The following C5orf24 variants were observed in gnomAD, a reference collection of about 807,000 sequenced individuals.
C5orf24 encodes UPF0461 protein C5orf24.
C5orf24 carries 4 observed loss-of-function variants against 9.8 expected under a neutral mutation model. That is an observed-to-expected ratio of 0.41 (90% CI 0.20 to 0.93). The LOEUF is 0.93. C5orf24 is among the 40% of genes least tolerant of loss of function. C5orf24 has a pLI of 0.33. For missense variants in C5orf24, 170 were observed against 236.9 expected (o/e 0.72, Z 1.85); for synonymous variants, 73 against 81.3 (o/e 0.90, Z 0.55).
chr5:134,855,698 A>G lies in C5orf24; in HGVS notation c.*231A>G. ...AGGTTCAAGTGTAACACCTAACTAA[A>G]TCATTTTTCCTTTTCCTTTAGAGTT... On this transcript the variant is annotated 3_prime_UTR_variant, in exon 2 of 2. Coordinates refer to ENST00000394976, the MANE Select transcript of C5orf24 (RefSeq NM_001135586.1). The G allele has an allele frequency of 2.1e-6, 3 of 1,402,142 alleles. No individual in the cohort carries two copies. The highest frequency in any genetic ancestry group is 2.8e-6 in the Non-Finnish European group (3 of 1,078,242). 86.9% of individuals were successfully genotyped at this position (1,402,142 alleles called of 1,614,324 possible). A position where few individuals can be genotyped will look rare whatever the true frequency, so the allele number is the denominator to read the frequency against.
rs1184113005 is a variant in C5orf24, at chr5:134,856,340, A to C, written c.*873A>C. ...TTTTGCCTTTCATATAGAAAGTTTT[A>C]AAGTATTATGTTTAAAAACATTTAT... On this transcript the variant is annotated 3_prime_UTR_variant, in exon 2 of 2. Coordinates refer to ENST00000394976, the MANE Select transcript of C5orf24 (RefSeq NM_001135586.1). 1.0e-6 allele frequency: 1 copy of C among 988,360 alleles called. No individual in the cohort carries two copies. The highest frequency in any genetic ancestry group is 1.8e-5 in the African/African-American group (1 of 57,082). The allele number at this position is 988,360 out of a possible 1,614,324, so 61.2% of individuals were successfully genotyped here.
At chr5:134,850,279 G>A (rs774876137) in intron 1 of C5orf24, among the ~76,000 whole-genome samples, 1 of 151,936 alleles carries the variant, frequency 6.6e-6, no homozygotes, top group Non-Finnish European at 1.5e-5. Context: ...GTCCTGAGTA[G>A]CTGGGATTAC....
chr5:134,837,096 C>G, the C5orf24 span, among the ~76,000 whole-genome samples: 1 of 152,062 alleles, frequency 6.6e-6, no homozygotes, highest in South Asian at 2.1e-4. Flanking sequence ...GTCTCAGCCT[C>G]CCAAGTAGCT....
Position 134,846,006 on chromosome 5 carries a change from C to A in C5orf24, c.-210C>A, listed in dbSNP as rs1006524631. ...GGTAGCGGCCTCTTCGTACTGCGTC[C>A]GGGGCAGGACCGTGCGCGGCGGCCG... On this transcript the variant is annotated 5_prime_UTR_variant, in exon 1 of 2. Coordinates refer to ENST00000394976, the MANE Select transcript of C5orf24 (RefSeq NM_001135586.1). The A allele has an allele frequency of 1.3e-5, 2 of 152,226 alleles. No homozygotes were observed. Among genetic ancestry groups the A allele is most frequent in the African/African-American group, 2.4e-5 (1 of 41,462 alleles). The allele number at this position is 152,226 out of a possible 1,614,324, so 9.4% of individuals were successfully genotyped here.
chr5:134,856,411 C>T lies in C5orf24; in HGVS notation c.*944C>T, dbSNP rs904690268. 8.8e-6 allele frequency: 6 copies of T among 682,576 alleles called. No homozygotes were observed. In the African/African-American group the frequency reaches 1.2e-4, roughly 13 times the overall value. 42.3% of individuals were successfully genotyped at this position (682,576 alleles called of 1,614,324 possible). A position where few individuals can be genotyped will look rare whatever the true frequency, so the allele number is the denominator to read the frequency against. On this transcript the variant is annotated 3_prime_UTR_variant, in exon 2 of 2. Transcript: ENST00000394976. ...CACCCAGCACTTTGGGAGGCCGAGG[C>T]AGGCGGATCACTTGAGGTCAGCAGT...
At chr5:134,847,562 G>A (rs1316570383) in intron 1 of C5orf24, among the ~76,000 whole-genome samples, 1 of 152,162 alleles carries the variant, frequency 6.6e-6, no homozygotes, top group African/African-American at 2.4e-5. Flanking sequence ...CCAAAGTGCT[G>A]GGATTACAGG....
chr5:134,848,621 A>G (rs1371566107), intron 1 of C5orf24, among the ~76,000 whole-genome samples: 2 of 128,446 alleles, frequency 1.6e-5, no homozygotes, highest in East Asian at 2.3e-4. Context: ...AGATCGCGCC[A>G]TTGCACTCCA....
At chr5:134,842,310 T>G (rs1409461483), upstream of C5orf24, among the ~76,000 whole-genome samples, 2 of 151,856 alleles carry the variant, frequency 1.3e-5, no homozygotes, top group African/African-American at 4.8e-5. Flanking sequence ...GCCAACATGG[T>G]GAAACCCTGT....
the C5orf24 span, among the ~76,000 whole-genome samples, chr5:134,834,418 C>T: frequency 6.6e-6 from 1 of 152,110 alleles, no homozygotes; most frequent in Non-Finnish European, 1.5e-5. Flanking sequence ...TTCTCTGTGC[C>T]TTTGCCTAAG....
rs1462303333 is a variant in C5orf24 at position 134,857,453 on chromosome 5, G to C, written c.*1986G>C. 9 of 1,518,510 alleles carry C rather than the reference G, an allele frequency of 5.9e-6. No homozygotes were observed. Among genetic ancestry groups the C allele is most frequent in the Non-Finnish European group, 1.8e-6 (2 of 1,128,108 alleles). The allele number at this position is 1,518,510 out of a possible 1,614,324, so 94.1% of individuals were successfully genotyped here. On this transcript the variant is annotated 3_prime_UTR_variant, in exon 2 of 2. Transcript: ENST00000394976. The stretch of plus-strand genomic sequence containing the variant: ...TACAGTAAGAGGTGTTGCATTGTAT[G>C]TGGGGACTATGTGCACTGGCGTCTA...
At chr5:134,845,016 G>A (rs1351411820), upstream of C5orf24, among the ~76,000 whole-genome samples, 3 of 152,342 alleles carry the variant, frequency 2.0e-5, no homozygotes, top group East Asian at 5.8e-4. Context: ...GATTACAGGC[G>A]TGAGCCACCG....
upstream of C5orf24, chr5:134,845,692 C>T (rs974648222): frequency 6.6e-6 from 1 of 152,254 alleles, no homozygotes; most frequent in African/African-American, 2.4e-5. Flanking sequence ...GAAATGGGGT[C>T]AGCAGGAGTT....
At chr5:134,840,713 G>A (rs1359192888), upstream of C5orf24, among the ~76,000 whole-genome samples, 1 of 149,688 alleles carries the variant, frequency 6.7e-6, no homozygotes, top group Non-Finnish European at 1.5e-5. Context: ...TTTTTTTTCT[G>A]GTATTGGCAG....
chr5:134,857,564 A>G lies in C5orf24; in HGVS notation c.*2097A>G. ...ACATAATCAGTTATAACATTCTGGC[A>G]GCTAAATTGCTACAAGAGCTTTTTC... On this transcript the variant is annotated 3_prime_UTR_variant, in exon 2 of 2. Coordinates refer to ENST00000394976, the MANE Select transcript of C5orf24 (RefSeq NM_001135586.1). The G allele has an allele frequency of 1.1e-6, 1 of 891,996 alleles. No homozygotes were observed. Among genetic ancestry groups the G allele is most frequent in the Non-Finnish European group, 1.5e-6 (1 of 652,910 alleles). 55.3% of individuals were successfully genotyped at this position (891,996 alleles called of 1,614,324 possible).
Position 134,857,539 on chromosome 5 carries a change from A to G in C5orf24, c.*2072A>G. The G allele has an allele frequency of 9.1e-7, 1 of 1,098,202 alleles. No individual in the cohort carries two copies. Among genetic ancestry groups the G allele is most frequent in the East Asian group, 3.1e-5 (1 of 32,370 alleles). 68.0% of individuals were successfully genotyped at this position (1,098,202 alleles called of 1,614,324 possible). ...CCATAGAGAACGATGTTGGATGGTTACATAATCAGTTATAACATTCTGGCA... is the reference window on the plus strand; with the variant it reads ...CCATAGAGAACGATGTTGGATGGTTGCATAATCAGTTATAACATTCTGGCA... On this transcript the variant is annotated 3_prime_UTR_variant, in exon 2 of 2. Coordinates refer to ENST00000394976, the MANE Select transcript of C5orf24 (RefSeq NM_001135586.1).
chr5:134,845,222 C>G (rs1435797808), upstream of C5orf24, among the ~76,000 whole-genome samples: 4 of 152,202 alleles, frequency 2.6e-5, no homozygotes, highest in African/African-American at 9.6e-5. Flanking sequence ...TGGCTCAGGG[C>G]TGTGCTTATG....
the C5orf24 span, among the ~76,000 whole-genome samples, chr5:134,834,139 C>T: frequency 2.0e-5 from 3 of 152,116 alleles, no homozygotes; most frequent in African/African-American, 7.2e-5. Context: ...ACCTAGTTGC[C>T]CATGTTTTGA....
intron 1 of C5orf24, among the ~76,000 whole-genome samples, chr5:134,851,922 A>C (rs905353399): frequency 2.0e-5 from 3 of 152,168 alleles, no homozygotes; most frequent in Non-Finnish European, 4.4e-5. Context: ...AATTTGAGCT[A>C]GTGAAATGAT....
At position 134,857,114 on chromosome 5, in the gene C5orf24, TTGAG is replaced by T; in HGVS notation, c.*1649_*1652del. 2 of 1,229,948 alleles carry T rather than the reference TTGAG, an allele frequency of 1.6e-6. No homozygotes were observed. The highest frequency in any genetic ancestry group is 2.1e-6 in the Non-Finnish European group (2 of 971,546). 76.2% of individuals were successfully genotyped at this position (1,229,948 alleles called of 1,614,324 possible). On this transcript the variant is annotated 3_prime_UTR_variant, in exon 2 of 2. Transcript: ENST00000394976. ...TACTTCTTGTTACACATTTTATTTA[TTGAG>T]TTTGTTCTAAATAAAATATTATAAA... is the stretch of plus-strand genomic sequence containing the variant.
Sources: allele counts gnomAD v4.1 joint callset (sites outside exome capture counted in the v4.1 genomes callset), GRCh38; gene constraint gnomAD v4.1.1; transcripts MANE v1.5; gene names NCBI Gene and HGNC (gene_info 2026-07-23, HGNC 2026-07-21).